The following EXT1 variants were observed in gnomAD, a reference collection of about 807,000 sequenced individuals.
EXT1 encodes exostosin-1.
EXT1 carries 20 observed loss-of-function variants against 82.5 expected under a neutral mutation model. That is an observed-to-expected ratio of 0.24 (90% CI 0.17 to 0.35). EXT1 has a LOEUF of 0.35. Among genes scored for constraint, EXT1 ranks in the 10% least tolerant of loss-of-function variants. EXT1 has a pLI of 1.00. For missense variants in EXT1, 757 were observed against 936.5 expected (o/e 0.81, Z 2.50); for synonymous variants, 348 against 350.8 (o/e 0.99, Z 0.09).
intron 1 of EXT1, among the ~76,000 whole-genome samples, chr8:117,953,567 A>G (rs548641718): frequency 6.6e-6 from 1 of 151,898 alleles, no homozygotes; most frequent in African/African-American, 2.4e-5. Flanking sequence ...CTTATGACTC[A>G]ATGTGCCAAA....
At chr8:117,929,566 C>T (rs112979610) in intron 1 of EXT1, among the ~76,000 whole-genome samples, 20 of 152,280 alleles carry the variant, frequency 1.3e-4, no homozygotes, top group Non-Finnish European at 2.5e-4. Context: ...TCCTCCAAAA[C>T]CAAAGAATCA....
intron 1 of EXT1, among the ~76,000 whole-genome samples, chr8:117,856,270 G>T (rs1428533425): frequency 4.1e-5 from 6 of 145,058 alleles, no homozygotes; most frequent in African/African-American, 7.9e-5. Flanking sequence ...TTTTTTTTGT[G>T]GGGGGACGGA....
chr8:117,860,146 CAAAAAAAAAA>C (rs34399339), intron 1 of EXT1, among the ~76,000 whole-genome samples: 10 of 76,896 alleles, frequency 1.3e-4, no homozygotes, highest in Non-Finnish European at 1.8e-4. Flanking sequence ...GATTCTATCT[CAAAAAAAAAA>C]AAAAAAAAAA....
rs17452805 is a variant in EXT1, at chr8:117,853,109, C to G, written c.963-15908G>C. Among the ~76,000 whole-genome samples the G allele has an allele frequency of 2.2e-3, 328 of 152,282 alleles. 1 individual carries two copies. Among genetic ancestry groups the G allele is most frequent in the Non-Finnish European group, 4.3e-3 (292 of 68,030 alleles). On this transcript the variant is annotated intron_variant, in intron 1 of 10. Transcript: ENST00000378204. ...AAAAGTCATCAAGAAATTTAAAGTA[C>G]TTTTGGGAAAACGAAGTATGTGTAC...
At chr8:118,020,081 C>A (rs1379756450) in intron 1 of EXT1, among the ~76,000 whole-genome samples, 2 of 152,156 alleles carry the variant, frequency 1.3e-5, no homozygotes, top group Non-Finnish European at 2.9e-5. Flanking sequence ...ACTTCAGAAG[C>A]AACTTGCATG....
intron 1 of EXT1, among the ~76,000 whole-genome samples, chr8:118,056,298 A>G (rs1380442972): frequency 6.6e-6 from 1 of 152,202 alleles, no homozygotes; most frequent in East Asian, 1.9e-4. Flanking sequence ...GCCTAAAAAC[A>G]CACCAATATA....
intron 1 of EXT1, among the ~76,000 whole-genome samples, chr8:117,989,103 C>T (rs1373105638): frequency 6.6e-6 from 1 of 151,106 alleles, no homozygotes; most frequent in Non-Finnish European, 1.5e-5. Context: ...AACCACAACT[C>T]TGTGAAATAT....
chr8:117,929,587 C>T (rs1324060555), intron 1 of EXT1, among the ~76,000 whole-genome samples: 1 of 152,140 alleles, frequency 6.6e-6, no homozygotes, highest in Non-Finnish European at 1.5e-5. Context: ...TAAGCAGGCT[C>T]AATAGATTTT....
chr8:118,070,274 G>A (rs1484146936), intron 1 of EXT1, among the ~76,000 whole-genome samples: 1 of 124,648 alleles, frequency 8.0e-6, no homozygotes, highest in Non-Finnish European at 1.7e-5. Context: ...GTGTGTGTGT[G>A]TGCATATCAT....
intron 5 of EXT1, among the ~76,000 whole-genome samples, chr8:117,820,483 G>T (rs1811904824): frequency 6.6e-6 from 1 of 152,168 alleles, no homozygotes; most frequent in South Asian, 2.1e-4. Flanking sequence ...GAGACCAGCA[G>T]TTCAAGACCG....
intron 1 of EXT1, among the ~76,000 whole-genome samples, chr8:118,012,210 G>A (rs1291122335): frequency 6.6e-6 from 1 of 152,258 alleles, no homozygotes; most frequent in East Asian, 1.9e-4. Flanking sequence ...CCAGATGCCA[G>A]TTTTCGGTGC....
intron 1 of EXT1, among the ~76,000 whole-genome samples, chr8:117,998,818 G>A (rs1389942109): frequency 6.6e-6 from 1 of 152,180 alleles, no homozygotes; most frequent in Non-Finnish European, 1.5e-5. Context: ...GAAAGAGAAA[G>A]ATTACAGAAG....
chr8:118,014,779 C>A (rs1418333609), intron 1 of EXT1, among the ~76,000 whole-genome samples: 3 of 152,022 alleles, frequency 2.0e-5, no homozygotes, highest in African/African-American at 7.2e-5. Flanking sequence ...GTTCTTAAAC[C>A]CGTTCAAGTT....
chr8:117,905,115 C>T (rs909759060), intron 1 of EXT1, among the ~76,000 whole-genome samples: 2 of 152,192 alleles, frequency 1.3e-5, no homozygotes, highest in Admixed American at 6.5e-5. Context: ...TCAAAAAGAC[C>T]TATAAATATA....
At chr8:117,898,989 G>A (rs1178970640) in intron 1 of EXT1, among the ~76,000 whole-genome samples, 5 of 152,042 alleles carry the variant, frequency 3.3e-5, no homozygotes, top group Non-Finnish European at 7.4e-5. Flanking sequence ...TCTGAAGCTG[G>A]TGAAAAATGA....
chr8:118,041,529 C>G (rs927898503), intron 1 of EXT1, among the ~76,000 whole-genome samples: 1 of 152,062 alleles, frequency 6.6e-6, no homozygotes, highest in African/African-American at 2.4e-5. Flanking sequence ...ACAGGTGAAG[C>G]CCTTAGCACA....
At chr8:117,830,458 C>G (rs543559433) in intron 3 of EXT1, 109 bp from the exon 4 acceptor site, 1 of 1,238,224 alleles carries the variant, frequency 8.1e-7, no homozygotes, top group Admixed American at 2.1e-5. Flanking sequence ...CATTTGGCTT[C>G]TAGCATATAG....
chr8:117,910,552 C>T (rs1306090606), intron 1 of EXT1, among the ~76,000 whole-genome samples: 5 of 152,010 alleles, frequency 3.3e-5, no homozygotes, highest in Admixed American at 6.5e-5. Context: ...TGAATTACTG[C>T]GACAGCCAGA....
chr8:117,860,212 G>A (rs1349980684), intron 1 of EXT1, among the ~76,000 whole-genome samples: 2 of 150,776 alleles, frequency 1.3e-5, no homozygotes, highest in Non-Finnish European at 3.0e-5. Flanking sequence ...AACATGGGTG[G>A]AACTGGAGGC....
Sources: gnomAD v4.1 joint callset for allele counts (sites outside exome capture counted in the v4.1 genomes callset) on GRCh38, gnomAD v4.1.1 for gene constraint, MANE v1.5 for transcripts, NCBI Gene and HGNC (gene_info 2026-07-23, HGNC 2026-07-21) for gene names.